The following NKAIN3 variants were observed in gnomAD, a reference collection of about 807,000 sequenced individuals.
The protein encoded by NKAIN3 is sodium/potassium-transporting ATPase subunit beta-1-interacting protein 3.
In NKAIN3, 25 loss-of-function variants were observed where a neutral mutation model predicts 30.2. The observed-to-expected ratio is 0.83, with a 90% confidence interval of 0.60 to 1.16. The LOEUF is 1.16. NKAIN3 is among the 50% of genes most tolerant of loss of function. The pLI, the probability that NKAIN3 is intolerant of heterozygous loss-of-function variation, is 0.00. For synonymous variants in NKAIN3, 91 were observed against 89.6 expected (o/e 1.02, Z -0.09); for missense variants, 225 against 254.1 (o/e 0.89, Z 0.78).
chr8:62,753,755 A>C lies in NKAIN3; in HGVS notation c.471+6626A>C, dbSNP rs181761342. Among the ~76,000 whole-genome samples, 28 of 152,224 alleles carry C rather than the reference A, an allele frequency of 1.8e-4. No individual in the cohort carries two copies. The East Asian group carries it at 5.2e-3, about 28-fold the overall frequency. On this transcript the variant is annotated intron_variant, in intron 4 of 6. Coordinates refer to ENST00000623646, the MANE Select transcript of NKAIN3 (RefSeq NM_001304533.3). ...CCATAACTTTTGGTCTTGTAACCCC[A>C]CTCAATGGGCTTTCTTCTAAGAAAA...
At chr8:62,447,819 G>A (rs1373302583) in intron 1 of NKAIN3, among the ~76,000 whole-genome samples, 4 of 151,934 alleles carry the variant, frequency 2.6e-5, no homozygotes, top group Non-Finnish European at 5.9e-5. Context: ...GTACTTCAAG[G>A]CCAAATGGAA....
chr8:62,838,645 C>T lies in NKAIN3; in HGVS notation c.472-79808C>T, dbSNP rs369533174. Among the ~76,000 whole-genome samples the T allele has an allele frequency of 6.6e-5, 10 of 152,122 alleles. No homozygotes were observed. In the South Asian group the frequency reaches 8.3e-4, roughly 13 times the overall value. ...ATGAGGGACTTATTGACTCCATATA[C>T]GGAAGCCTTTTGTATTTGTGAGACA... On this transcript the variant is annotated intron_variant, in intron 4 of 6. Transcript: ENST00000623646.
intron 3 of NKAIN3, among the ~76,000 whole-genome samples, chr8:62,708,453 T>C (rs1586113172): frequency 1.3e-5 from 2 of 152,146 alleles, no homozygotes; most frequent in African/African-American, 4.8e-5. Flanking sequence ...CTTAGTTAGG[T>C]ATATTCCTAA....
intron 3 of NKAIN3, among the ~76,000 whole-genome samples, chr8:62,694,500 A>G (rs1814091908): frequency 6.6e-6 from 1 of 152,198 alleles, no homozygotes; most frequent in Non-Finnish European, 1.5e-5. Flanking sequence ...GAGCCAAAAT[A>G]ATGGATCATA....
intron 1 of NKAIN3, among the ~76,000 whole-genome samples, chr8:62,443,844 A>G (rs1041908936): frequency 3.9e-5 from 6 of 152,156 alleles, no homozygotes; most frequent in Non-Finnish European, 5.9e-5. Flanking sequence ...ATTTCTAAAA[A>G]TTCATTCTTA....
chr8:62,511,332 C>A (rs1432500285), intron 1 of NKAIN3, among the ~76,000 whole-genome samples: 3 of 152,122 alleles, frequency 2.0e-5, no homozygotes, highest in Non-Finnish European at 4.4e-5. Context: ...TGTACCTAGT[C>A]ACTGATTCAA....
intron 3 of NKAIN3, among the ~76,000 whole-genome samples, chr8:62,724,216 C>T (rs1815186880): frequency 6.6e-6 from 1 of 152,002 alleles, no homozygotes; most frequent in Non-Finnish European, 1.5e-5. Context: ...CCTCCCTATA[C>T]TTATTTATTA....
intron 4 of NKAIN3, among the ~76,000 whole-genome samples, chr8:62,882,807 A>G (rs1000483956): frequency 2.6e-5 from 4 of 152,140 alleles, no homozygotes; most frequent in Non-Finnish European, 4.4e-5. Flanking sequence ...GTTGAAGACT[A>G]TCTTTGCTCC....
chr8:62,580,913 T>G (rs1157575985), intron 2 of NKAIN3, among the ~76,000 whole-genome samples: 1 of 147,654 alleles, frequency 6.8e-6, no homozygotes, highest in East Asian at 2.0e-4. Context: ...TTTTTATATA[T>G]ATATATATAT....
chr8:62,682,538 C>A (rs577207352), intron 3 of NKAIN3, among the ~76,000 whole-genome samples: 27 of 152,254 alleles, frequency 1.8e-4, no homozygotes, highest in African/African-American at 6.5e-4. Context: ...AGGCATGAAA[C>A]CTGAAAGCTC....
intron 1 of NKAIN3, among the ~76,000 whole-genome samples, chr8:62,393,831 A>G (rs1359387119): frequency 1.3e-5 from 2 of 152,116 alleles, no homozygotes; most frequent in African/African-American, 4.8e-5. Flanking sequence ...ATTTATTTGT[A>G]AGAGTTTTTC....
chr8:62,357,082 A>G (rs1816384033), intron 1 of NKAIN3, among the ~76,000 whole-genome samples: 1 of 152,136 alleles, frequency 6.6e-6, no homozygotes, highest in African/African-American at 2.4e-5. Context: ...AGCCTGGGCA[A>G]CAGAGTGAGA....
chr8:62,629,836 C>A (rs892527087), intron 3 of NKAIN3, among the ~76,000 whole-genome samples: 1 of 151,898 alleles, frequency 6.6e-6, no homozygotes, highest in African/African-American at 2.4e-5. Flanking sequence ...AATTTATAAA[C>A]CTTATATATG....
At chr8:62,991,763 A>G (rs995025366) in intron 5 of NKAIN3, among the ~76,000 whole-genome samples, 5 of 152,204 alleles carry the variant, frequency 3.3e-5, no homozygotes, top group African/African-American at 1.2e-4. Flanking sequence ...GGTGATGAAA[A>G]ATAAAAGAAG....
intron 1 of NKAIN3, among the ~76,000 whole-genome samples, chr8:62,393,340 C>G (rs184190970): frequency 1.3e-5 from 2 of 151,758 alleles, no homozygotes; most frequent in Admixed American, 1.3e-4. Context: ...ATTCTAAATC[C>G]ATTTATTGAA....
rs1480686987 is a variant in NKAIN3, at chr8:62,967,862, AT to A, written c.*2456del. 6.6e-6 allele frequency among the ~76,000 whole-genome samples: 1 copy of A among 152,224 alleles called. No individual in the cohort carries two copies. The highest frequency in any genetic ancestry group is 1.5e-5 in the Non-Finnish European group (1 of 68,042). On this transcript the variant is annotated 3_prime_UTR_variant, in exon 7 of 7. Transcript: ENST00000623646. ...CCATACTAAATTTTGTTTCTATTTTATCTTCACGTGAATTTGTACATAGTTC... is the reference window on the plus strand; with the variant it reads ...CCATACTAAATTTTGTTTCTATTTTACTTCACGTGAATTTGTACATAGTTC...
chr8:62,973,585 T>G lies in NKAIN3; in HGVS notation c.*8178T>G, dbSNP rs1823880249. ...ATTAGCCCTTTGTCAGATGGATAGG[T>G]TGCAAAAATTTTCTCCCATTCTGTA... On this transcript the variant is annotated 3_prime_UTR_variant, in exon 7 of 7. Transcript: ENST00000623646. 6.6e-6 allele frequency among the ~76,000 whole-genome samples: 1 copy of G among 152,176 alleles called. No homozygotes were observed. The highest frequency in any genetic ancestry group is 2.4e-5 in the African/African-American group (1 of 41,442).
intron 1 of NKAIN3, among the ~76,000 whole-genome samples, chr8:62,280,822 T>A (rs1419437978): frequency 6.6e-6 from 1 of 152,190 alleles, no homozygotes; most frequent in Non-Finnish European, 1.5e-5. Context: ...TCAGGGATAT[T>A]GGTCTAAAAT....
chr8:62,618,083 A>G (rs936615), intron 3 of NKAIN3, among the ~76,000 whole-genome samples: 73,276 of 152,110 alleles, frequency 0.48, 20,733 homozygotes, highest in African/African-American at 0.79. Flanking sequence ...AATGTTGGCC[A>G]TTCCACGTGC....
Sources: allele counts gnomAD v4.1 joint callset (sites outside exome capture counted in the v4.1 genomes callset), GRCh38; gene constraint gnomAD v4.1.1; transcripts MANE v1.5; gene names NCBI Gene and HGNC (gene_info 2026-07-23, HGNC 2026-07-21).